The following FAAH2 variants were observed in gnomAD, a reference collection of about 807,000 sequenced individuals.
The protein encoded by FAAH2 is fatty-acid amide hydrolase 2.
Under a neutral mutation model 36.9 loss-of-function variants are expected in FAAH2, and 60 were observed. That is an observed-to-expected ratio of 1.63 (90% CI 1.32 to 2.02). FAAH2 has a LOEUF of 2.02. FAAH2 is among the 30% of genes most tolerant of loss of function. The pLI, the probability that FAAH2 is intolerant of heterozygous loss-of-function variation, is 0.00. For synonymous variants in FAAH2, 214 were observed against 143.8 expected (o/e 1.49, Z -3.49); for missense variants, 689 against 397.5 (o/e 1.73, Z -6.23).
intron 7 of FAAH2, among the ~76,000 whole-genome samples, chrX:57,431,482 A>T (rs1278640627): frequency 1.8e-5 from 2 of 111,790 alleles, no homozygotes; most frequent in East Asian, 5.6e-4. Flanking sequence ...TAGTATTCCA[A>T]GTCAGAAAAG....
chrX:57,161,687 G>A, the FAAH2 span, among the ~76,000 whole-genome samples: 3 of 111,304 alleles, frequency 2.7e-5, no homozygotes, highest in African/African-American at 9.8e-5. Flanking sequence ...TGCAACCCCT[G>A]CCTTTTTTAG....
At chrX:57,337,019 G>C (rs1006170896) in intron 4 of FAAH2, among the ~76,000 whole-genome samples, 1 of 109,515 alleles carries the variant, frequency 9.1e-6, no homozygotes, top group African/African-American at 3.3e-5. Flanking sequence ...TAATAAAGAA[G>C]AAAAGAGAGA....
At chrX:57,427,926 A>T (rs949902393) in intron 7 of FAAH2, among the ~76,000 whole-genome samples, 2 of 111,916 alleles carry the variant, frequency 1.8e-5, no homozygotes, top group African/African-American at 6.5e-5. Context: ...AGAGAAAGAA[A>T]TAAAAGCCCT....
intron 7 of FAAH2, among the ~76,000 whole-genome samples, chrX:57,408,393 T>G (rs2055618417): frequency 9.0e-6 from 1 of 111,317 alleles, no homozygotes; most frequent in East Asian, 2.8e-4. Flanking sequence ...TATGTGTTAG[T>G]ATTTTAATCA....
chrX:57,478,978 T>C (rs2057324792), intron 10 of FAAH2, among the ~76,000 whole-genome samples: 1 of 111,682 alleles, frequency 9.0e-6, no homozygotes, highest in African/African-American at 3.3e-5. Context: ...TGGGCTCTTT[T>C]TTGGTTCCAT....
At chrX:57,435,380 C>T (rs2056389078) in intron 8 of FAAH2, among the ~76,000 whole-genome samples, 1 of 110,994 alleles carries the variant, frequency 9.0e-6, no homozygotes, top group African/African-American at 3.3e-5. Flanking sequence ...GGATTAAGTA[C>T]TCTTCTAAAG....
intron 3 of FAAH2, among the ~76,000 whole-genome samples, chrX:57,327,915 TC>T (rs1289065635): frequency 3.6e-5 from 4 of 110,765 alleles, no homozygotes; most frequent in Non-Finnish European, 7.6e-5. Flanking sequence ...GGAGTGGTGC[TC>T]TGATTTTTAG....
At chrX:57,248,055 T>A in the FAAH2 span, among the ~76,000 whole-genome samples, 4 of 112,042 alleles carry the variant, frequency 3.6e-5, no homozygotes, top group African/African-American at 1.3e-4. Flanking sequence ...ATAATCCAAA[T>A]AAAGTATCTA....
At chrX:57,255,257 C>G in the FAAH2 span, among the ~76,000 whole-genome samples, 2 of 111,670 alleles carry the variant, frequency 1.8e-5, no homozygotes, top group African/African-American at 6.5e-5. Context: ...AGTCTAATAA[C>G]AGGTTCTGGC....
chrX:57,199,909 C>T, the FAAH2 span, among the ~76,000 whole-genome samples: 1 of 111,358 alleles, frequency 9.0e-6, no homozygotes, highest in Non-Finnish European at 1.9e-5. Flanking sequence ...GTATGTACTT[C>T]CTCTCTTTTT....
upstream of FAAH2, among the ~76,000 whole-genome samples, chrX:57,285,621 G>A (rs1292090370): frequency 8.9e-6 from 1 of 111,797 alleles, no homozygotes; most frequent in East Asian, 2.8e-4. Flanking sequence ...TAGATGAAGA[G>A]GTTGGGAAAG....
intron 3 of FAAH2, among the ~76,000 whole-genome samples, chrX:57,323,410 C>T (rs1257164870): frequency 5.4e-5 from 6 of 111,648 alleles, no homozygotes. Flanking sequence ...AATCACCACA[C>T]GGACTTCCAC....
At position 57,311,678 on chromosome X, in the gene FAAH2, G is replaced by T. The variant is rs183523284; in HGVS notation, c.412+949G>T. Among the ~76,000 whole-genome samples, 193 of 112,386 alleles carry T rather than the reference G, an allele frequency of 1.7e-3. 1 individual carries two copies. Among genetic ancestry groups the T allele is most frequent in the African/African-American group, 5.9e-3 (184 of 31,014 alleles). The stretch of plus-strand genomic sequence containing the variant: ...CATGGGACTGAGGTGCATCTGCTCT[G>T]CAAGCTTTCCTGCCTTTCAGCTACT... On this transcript the variant is annotated intron_variant, in intron 3 of 10. Coordinates refer to ENST00000374900, the MANE Select transcript of FAAH2 (RefSeq NM_174912.4).
intron 7 of FAAH2, among the ~76,000 whole-genome samples, chrX:57,419,824 T>G (rs1293209697): frequency 1.8e-5 from 2 of 111,683 alleles, no homozygotes; most frequent in Admixed American, 9.5e-5. Context: ...AATGCCTAGG[T>G]TTTCTTCTAG....
chrX:57,355,257 T>C (rs1338211769), intron 5 of FAAH2, among the ~76,000 whole-genome samples: 2 of 111,213 alleles, frequency 1.8e-5, no homozygotes, highest in Non-Finnish European at 3.8e-5. Context: ...AATTGGCTTC[T>C]TTGTCTTTTT....
the FAAH2 span, among the ~76,000 whole-genome samples, chrX:57,161,136 G>A: frequency 8.9e-6 from 1 of 112,071 alleles, no homozygotes; most frequent in Non-Finnish European, 1.9e-5. Context: ...TCATTTAGGA[G>A]CAGGTTGTCC....
At chrX:57,441,563 T>G (rs746669724) in intron 8 of FAAH2, among the ~76,000 whole-genome samples, 18 of 110,544 alleles carry the variant, frequency 1.6e-4, no homozygotes, top group Non-Finnish European at 3.2e-4. Context: ...GCTCCTGGAT[T>G]CACTGATTTT....
At chrX:57,429,430 T>TA (rs1354716948) in intron 7 of FAAH2, among the ~76,000 whole-genome samples, 2 of 108,327 alleles carry the variant, frequency 1.8e-5, no homozygotes, top group Non-Finnish European at 3.8e-5. Context: ...AACAAACACA[T>TA]AAAAAACTGC....
chrX:57,392,080 A>G (rs1392628115), intron 7 of FAAH2, among the ~76,000 whole-genome samples: 1 of 111,352 alleles, frequency 9.0e-6, no homozygotes, highest in South Asian at 3.7e-4. Flanking sequence ...GCTAGTGTAA[A>G]TGGGATGGAA....
Sources: gnomAD v4.1 joint callset for allele counts (sites outside exome capture counted in the v4.1 genomes callset) on GRCh38, gnomAD v4.1.1 for gene constraint, MANE v1.5 for transcripts, NCBI Gene and HGNC (gene_info 2026-07-23, HGNC 2026-07-21) for gene names.